Variants in USH1G observed in about 807,000 individuals in gnomAD.
The protein encoded by USH1G is USH1 protein network component sans, also known as pre-mRNA splicing regulator USH1G.
Under a neutral mutation model 31.9 loss-of-function variants are expected in USH1G, and 27 were observed. That is an observed-to-expected ratio of 0.85 (90% CI 0.62 to 1.17). USH1G has a LOEUF of 1.17. USH1G is among the 50% of genes most tolerant of loss of function. The pLI, the probability that USH1G is intolerant of heterozygous loss-of-function variation, is 0.00. For missense variants in USH1G, 674 were observed against 638.9 expected (o/e 1.05, Z -0.59); for synonymous variants, 266 against 283.2 (o/e 0.94, Z 0.61).
In USH1G at chr17:74,920,210, G is replaced by A. The variant is rs573510359; in HGVS notation, c.626C>T (p.Thr209Met). ...CTGCATCTTGGTCTTGCCCCTGGCC[G>A]TGCCGTGCAGCGTGGCCTGAGAGTA... is the stretch of plus-strand genomic sequence containing the variant. ...LPYSQATLHG[T>M]ARGKTKMQKK... Residue 209 changes from threonine to methionine, a missense_variant, in exon 2 of 3, where the codon ACG becomes ATG. By Grantham distance (81) the Thr-to-Met change is moderately conservative. Transcript: ENST00000614341. The surrounding 1 kb of genome is among the most constrained non-coding windows in gnomAD (Gnocchi z 5.2). 2 of 1,602,530 alleles carry A rather than the reference G, an allele frequency of 1.2e-6. No homozygotes were observed. Among genetic ancestry groups the A allele is most frequent in the Middle Eastern group, 1.6e-4 (1 of 6,062 alleles).
rs1252266149 is a variant in USH1G, at chr17:74,923,020, C to T, written c.54G>A (p.Lys18=). Reference sequence around the variant, plus strand: ...CATTCAGCTCCTTTCGGGTGGCCTCCTTGAGGAGCTCCAGGTAGCCATCCC... The same window carrying T: ...CATTCAGCTCCTTTCGGGTGGCCTCTTTGAGGAGCTCCAGGTAGCCATCCC... ...AARDGYLELL[K]EATRKELNAP... The change falls in exon 1 of 3, where the codon AAG becomes AAA. Residue 18 remains lysine, a synonymous_variant. Coordinates refer to ENST00000614341, the MANE Select transcript of USH1G (RefSeq NM_173477.5). The surrounding 1 kb of genome is among the most constrained non-coding windows in gnomAD (Gnocchi z 5.3). 14 of 1,580,354 alleles carry T rather than the reference C, an allele frequency of 8.9e-6. No homozygotes were observed. Among genetic ancestry groups the T allele is most frequent in the Non-Finnish European group, 1.2e-5 (14 of 1,162,030 alleles).
Position 74,919,520 on chromosome 17 carries a change from A to ACGC in USH1G, c.1315_1316insGCG (p.Ile439delinsSerVal), listed in dbSNP as rs2038905850. ...CCGCCGCCTCCTCACGGCCCCCAAGATCTTCTTTCGGGGCCCCAGTGGGAC... is the reference window on the plus strand; with the variant it reads ...CCGCCGCCTCCTCACGGCCCCCAAGACGCTCTTCTTTCGGGGCCCCAGTGGGAC... On this transcript the variant is annotated protein_altering_variant, in exon 2 of 3. Transcript: ENST00000614341. This position sits in a 1 kb window ranked among gnomAD's most constrained non-coding sequence, Gnocchi z 4.5. 2 of 1,611,334 alleles carry ACGC rather than the reference A, an allele frequency of 1.2e-6. No individual in the cohort carries two copies. Among genetic ancestry groups the ACGC allele is most frequent in the Admixed American group, 3.3e-5 (2 of 59,976 alleles).
chr17:74,921,877 C>G lies in USH1G; in HGVS notation c.164+1033G>C, dbSNP rs889615094. Among the ~76,000 whole-genome samples the G allele has an allele frequency of 6.6e-6, 1 of 152,168 alleles. No individual in the cohort carries two copies. The highest frequency in any genetic ancestry group is 1.5e-5 in the Non-Finnish European group (1 of 68,012). ...TGGTTCAGCTGCCCAGGCTTCAAGG[C>G]TGCTCCCACCTGATGCTGGGCCCAA... On this transcript the variant is annotated intron_variant, in intron 1 of 2. Transcript: ENST00000614341. The surrounding 1 kb of genome is among the most constrained non-coding windows in gnomAD (Gnocchi z 4.6).
chr17:74,919,530 G>T lies in USH1G; in HGVS notation c.1306C>A (p.Arg436=), dbSNP rs755908331. ...LRSISVPLGP[R]KKILGAVRRR... ...CTCACGGCCCCCAAGATCTTCTTTC[G>T]GGGCCCCAGTGGGACGCTGATGCTG... The change falls in exon 2 of 3, where the codon CGA becomes AGA. Residue 436 remains arginine (R), a synonymous_variant. Coordinates refer to ENST00000614341, the MANE Select transcript of USH1G (RefSeq NM_173477.5). The surrounding 1 kb of genome is among the most constrained non-coding windows in gnomAD (Gnocchi z 4.5). 1 of 1,611,938 alleles carries T rather than the reference G, an allele frequency of 6.2e-7. No homozygotes were observed. Among genetic ancestry groups the T allele is most frequent in the Non-Finnish European group, 8.5e-7 (1 of 1,179,838 alleles).
At position 74,919,263 on chromosome 17, in the gene USH1G, A is replaced by C. The variant is rs1397205834; in HGVS notation, c.1382+191T>G. Among the ~76,000 whole-genome samples the C allele has an allele frequency of 2.0e-5, 3 of 152,160 alleles. No individual in the cohort carries two copies. The highest frequency in any genetic ancestry group is 2.9e-5 in the Non-Finnish European group (2 of 68,030). On this transcript the variant is annotated intron_variant, in intron 2 of 2. Transcript: ENST00000614341. This position sits in a 1 kb window ranked among gnomAD's most constrained non-coding sequence, Gnocchi z 4.5. Reference sequence around the variant, plus strand: ...ATAAGAATGCCTCGGGTCATCATTAAATTGGCCACTTCTTTTTCTGAGCTG... The same window carrying C: ...ATAAGAATGCCTCGGGTCATCATTACATTGGCCACTTCTTTTTCTGAGCTG...
At position 74,917,043 on chromosome 17, in the gene USH1G, T is replaced by TACACACACATGCATGC. The variant is rs1469502845; in HGVS notation, c.*1014_*1029dup. 1.3e-5 allele frequency: 2 copies of TACACACACATGCATGC among 151,170 alleles called. No individual in the cohort carries two copies. Among genetic ancestry groups the TACACACACATGCATGC allele is most frequent in the African/African-American group, 4.9e-5 (2 of 40,942 alleles). 9.4% of individuals were successfully genotyped at this position (151,170 alleles called of 1,614,324 possible). A position where few individuals can be genotyped will look rare whatever the true frequency, so the allele number is the denominator to read the frequency against. ...CCCGTGCTCACACATACCACATACT[T>TACACACACATGCATGC]ACACACACATGCATGCACACACGCA... On this transcript the variant is annotated 3_prime_UTR_variant, in exon 3 of 3. Coordinates refer to ENST00000614341, the MANE Select transcript of USH1G (RefSeq NM_173477.5).
rs1316689383 is a variant in USH1G at position 74,918,824 on chromosome 17, A to G, written c.1382+630T>C. Among the ~76,000 whole-genome samples, 1 of 151,998 alleles carries G rather than the reference A, an allele frequency of 6.6e-6. No homozygotes were observed. ...AAACTGTCTCAAAAAAAAAAAAAAAAAAATCTGCCTGAGGTCTTGGGCAAT... is the reference window on the plus strand; with the variant it reads ...AAACTGTCTCAAAAAAAAAAAAAAAGAAATCTGCCTGAGGTCTTGGGCAAT... On this transcript the variant is annotated intron_variant, in intron 2 of 2. Transcript: ENST00000614341. This position sits in a 1 kb window ranked among gnomAD's most constrained non-coding sequence, Gnocchi z 4.1.
rs1488252018 is a variant in USH1G, at chr17:74,919,251, G to A, written c.1382+203C>T. Among the ~76,000 whole-genome samples, 4 of 152,106 alleles carry A rather than the reference G, an allele frequency of 2.6e-5. No homozygotes were observed. On this transcript the variant is annotated intron_variant, in intron 2 of 2. Coordinates refer to ENST00000614341, the MANE Select transcript of USH1G (RefSeq NM_173477.5). The surrounding 1 kb of genome is among the most constrained non-coding windows in gnomAD (Gnocchi z 4.5). ...ACTTTCACTGTGATAAGAATGCCTC[G>A]GGTCATCATTAAATTGGCCACTTCT...
chr17:74,922,527 G>A (rs1202596307), intron 1 of USH1G, among the ~76,000 whole-genome samples: 1 of 152,074 alleles, frequency 6.6e-6, no homozygotes, highest in South Asian at 2.1e-4. Flanking sequence ...GGGCAGTGGA[G>A]ACCCCTCCCT....
rs1233310569 is a variant in USH1G at position 74,917,659 on chromosome 17, G to C, written c.*414C>G. 1 of 270,132 alleles carries C rather than the reference G, an allele frequency of 3.7e-6. No homozygotes were observed. The highest frequency in any genetic ancestry group is 2.2e-5 in the African/African-American group (1 of 46,266). The allele number at this position is 270,132 out of a possible 1,614,324, so 16.7% of individuals were successfully genotyped here. A position where few individuals can be genotyped will look rare whatever the true frequency, so the allele number is the denominator to read the frequency against. On this transcript the variant is annotated 3_prime_UTR_variant, in exon 3 of 3. Coordinates refer to ENST00000614341, the MANE Select transcript of USH1G (RefSeq NM_173477.5). ...CAGGAAGTGAGCAAGTCTCTGGCCT[G>C]AGCACAAGAGAACAAGACCATCAGG...
chr17:74,920,150 C>T lies in USH1G; in HGVS notation c.686G>A (p.Gly229Asp). Residue 229 changes from glycine (G) to aspartate (D), a missense_variant, in exon 2 of 3, where the codon GGC becomes GAC. Physicochemically the swap from Gly to Asp is moderately conservative, Grantham distance 94 (BLOSUM62 -1). Coordinates refer to ENST00000614341, the MANE Select transcript of USH1G (RefSeq NM_173477.5). The surrounding 1 kb of genome is among the most constrained non-coding windows in gnomAD (Gnocchi z 5.2). ...CCCATCCTCGGAGACCTTGAAGGTGCCTTCGCCGCCCTGCTTGCGCCGCTC... is the reference window on the plus strand; with the variant it reads ...CCCATCCTCGGAGACCTTGAAGGTGTCTTCGCCGCCCTGCTTGCGCCGCTC... ...KLERRKQGGE[G>D]TFKVSEDGRK... 1.2e-6 allele frequency: 2 copies of T among 1,602,088 alleles called. No homozygotes were observed. The highest frequency in any genetic ancestry group is 1.7e-6 in the Non-Finnish European group (2 of 1,179,814).
In USH1G at chr17:74,920,709, C is replaced by T. The variant is rs771592234; in HGVS notation, c.165-38G>A. ...CATTCAGGAGGGACGAGTGACGAGTCCTGGCTGGGGATGGAGGTGGAGGGA... is the reference window on the plus strand; with the variant it reads ...CATTCAGGAGGGACGAGTGACGAGTTCTGGCTGGGGATGGAGGTGGAGGGA... On this transcript the variant is annotated intron_variant, in intron 1 of 2. Transcript: ENST00000614341. The surrounding 1 kb of genome is among the most constrained non-coding windows in gnomAD (Gnocchi z 5.2). 1 of 1,611,800 alleles carries T rather than the reference C, an allele frequency of 6.2e-7. No homozygotes were observed. The highest frequency in any genetic ancestry group is 1.3e-5 in the African/African-American group (1 of 75,004).
chr17:74,919,098 G>A lies in USH1G; in HGVS notation c.1382+356C>T, dbSNP rs1353508598. On this transcript the variant is annotated intron_variant, in intron 2 of 2. Transcript: ENST00000614341. This position sits in a 1 kb window ranked among gnomAD's most constrained non-coding sequence, Gnocchi z 4.5. Reference sequence around the variant, plus strand: ...ATTAAGCAAGAGGACTTGTTCAAGGGCACAACCCAGCACCTAGGAGGTGGG... The same window carrying A: ...ATTAAGCAAGAGGACTTGTTCAAGGACACAACCCAGCACCTAGGAGGTGGG... Among the ~76,000 whole-genome samples, 2 of 152,154 alleles carry A rather than the reference G, an allele frequency of 1.3e-5. No individual in the cohort carries two copies. The highest frequency in any genetic ancestry group is 4.8e-5 in the African/African-American group (2 of 41,424).
At position 74,920,051 on chromosome 17, in the gene USH1G, G is replaced by A. The variant is rs1012544137; in HGVS notation, c.785C>T (p.Ala262Val). ...GGCTCGGCCCCACTCCTTGGGATTG[G>A]CGTAGGTGCCCTGGCGCACGAACAT... ...DVMFVRQGTY[A>V]NPKEWGRAPL... Residue 262 changes from alanine (A) to valine (V), a missense_variant, in exon 2 of 3, where the codon GCC (alanine) becomes GTC (valine). Transcript: ENST00000614341. The surrounding 1 kb of genome is among the most constrained non-coding windows in gnomAD (Gnocchi z 5.2). 5.6e-6 allele frequency: 9 copies of A among 1,609,614 alleles called. No homozygotes were observed. The highest frequency in any genetic ancestry group is 7.6e-6 in the Non-Finnish European group (9 of 1,179,688).
Position 74,919,678 on chromosome 17 carries a change from C to T in USH1G, c.1158G>A (p.Glu386=), listed in dbSNP as rs886265451. 1.2e-6 allele frequency: 2 copies of T among 1,612,844 alleles called. No homozygotes were observed. The highest frequency in any genetic ancestry group is 1.7e-5 in the Admixed American group (1 of 60,026). ...ELDLGLDEDL[E]PETSPLETFL... is the part of the protein sequence containing the mutation. ...AGGTCTCCAGCGGGCTAGTCTCGGG[C>T]TCCAGGTCCTCGTCCAAGCCTAAAT... The change falls in exon 2 of 3, where the codon GAG becomes GAA. Residue 386 remains glutamate (E), a synonymous_variant. Coordinates refer to ENST00000614341, the MANE Select transcript of USH1G (RefSeq NM_173477.5). The surrounding 1 kb of genome is among the most constrained non-coding windows in gnomAD (Gnocchi z 4.5).
At position 74,920,586 on chromosome 17, in the gene USH1G, G is replaced by A. The variant is rs2038931351; in HGVS notation, c.250C>T (p.Leu84=). ...CAGATGTTGGCTCCGAAGGACACCA[G>A]GAAGGACAGGCAGTGCAAGTGGCCA... The part of the protein sequence containing the change: ...SNGHLHCLSF[L]VSFGANIWCL... The change falls in exon 2 of 3, where the codon CTG becomes TTG. Residue 84 remains leucine (L), a synonymous_variant. Coordinates refer to ENST00000614341, the MANE Select transcript of USH1G (RefSeq NM_173477.5). The surrounding 1 kb of genome is among the most constrained non-coding windows in gnomAD (Gnocchi z 5.2). 1 of 1,613,766 alleles carries A rather than the reference G, an allele frequency of 6.2e-7. No homozygotes were observed. The highest frequency in any genetic ancestry group is 8.5e-7 in the Non-Finnish European group (1 of 1,180,060).
At position 74,920,452 on chromosome 17, in the gene USH1G, G is replaced by T; in HGVS notation, c.384C>A (p.Asn128Lys). 3 of 1,613,698 alleles carry T rather than the reference G, an allele frequency of 1.9e-6. No individual in the cohort carries two copies. Among genetic ancestry groups the T allele is most frequent in the Non-Finnish European group, 2.5e-6 (3 of 1,180,044 alleles). Residue 128 changes from asparagine (N) to lysine (K), a missense_variant, in exon 2 of 3, where the codon AAC becomes AAA. Transcript: ENST00000614341. This position sits in a 1 kb window ranked among gnomAD's most constrained non-coding sequence, Gnocchi z 5.2. ...CCTTCAGCTTACCCACCAGCTTGGG[G>T]TTGAGGCTGCTCTGCTTGGCCGCGA... The part of the protein sequence containing the change: ...DSIAAKQSSL[N>K]PKLVGKLKDK...
chr17:74,919,673 T>C lies in USH1G; in HGVS notation c.1163A>G (p.Glu388Gly). ...CAGGAAGGTCTCCAGCGGGCTAGTC[T>C]CGGGCTCCAGGTCCTCGTCCAAGCC... The part of the protein sequence containing the change: ...DLGLDEDLEP[E>G]TSPLETFLAS... The change falls in exon 2 of 3, where the codon GAG becomes GGG. Residue 388 changes from glutamate to glycine, a missense_variant. Coordinates refer to ENST00000614341, the MANE Select transcript of USH1G (RefSeq NM_173477.5). This position sits in a 1 kb window ranked among gnomAD's most constrained non-coding sequence, Gnocchi z 4.5. 7 of 1,612,768 alleles carry C rather than the reference T, an allele frequency of 4.3e-6. No individual in the cohort carries two copies. Among genetic ancestry groups the C allele is most frequent in the Non-Finnish European group, 5.9e-6 (7 of 1,180,006 alleles).
chr17:74,920,316 C>T lies in USH1G; in HGVS notation c.520G>A (p.Asp174Asn), dbSNP rs200786476. ...GTGAGGCTGGAGAAGCTGAGGGTGT[C>T]GGAACGCTCGGCCAGCTCGCGCCGG... ...RYRRELAERS[D>N]TLSFSSLTSS... is the part of the protein sequence containing the mutation. The change falls in exon 2 of 3, where the codon GAC becomes AAC. Residue 174 changes from aspartate (D) to asparagine (N), a missense_variant. By Grantham distance (23) the Asp-to-Asn change is conservative. Coordinates refer to ENST00000614341, the MANE Select transcript of USH1G (RefSeq NM_173477.5). The surrounding 1 kb of genome is among the most constrained non-coding windows in gnomAD (Gnocchi z 5.2). 1.2e-5 allele frequency: 19 copies of T among 1,607,884 alleles called. No individual in the cohort carries two copies. Among genetic ancestry groups the T allele is most frequent in the Non-Finnish European group, 1.5e-5 (18 of 1,178,866 alleles).
Sources: gnomAD v4.1 joint callset for allele counts (sites outside exome capture counted in the v4.1 genomes callset) on GRCh38, gnomAD v4.1.1 for gene constraint, Gnocchi (gnomAD v3.1) non-coding constraint, MANE v1.5 for transcripts, NCBI Gene and HGNC (gene_info 2026-07-23, HGNC 2026-07-21) for gene names.